Variants in SPATA16 observed in about 807,000 individuals in gnomAD.
SPATA16 encodes spermatogenesis associated 16.
In SPATA16, 36 loss-of-function variants were observed where a neutral mutation model predicts 63.3. The ratio of observed to expected loss-of-function variants is 0.57; its 90% CI spans 0.44 to 0.75. The LOEUF (loss-of-function observed/expected upper bound fraction) is 0.75. SPATA16 is among the 30% of genes least tolerant of loss of function. The probability of loss-of-function intolerance (pLI) is 0.00; values close to 1 mark genes in which losing one functional copy is unlikely to be tolerated. For missense variants in SPATA16, 646 were observed against 679.3 expected (o/e 0.95, Z 0.54); for synonymous variants, 203 against 216.7 (o/e 0.94, Z 0.56).
At chr3:173,013,237 A>T (rs375213353) in intron 4 of SPATA16, among the ~76,000 whole-genome samples, 4 of 152,220 alleles carry the variant, frequency 2.6e-5, no homozygotes, top group African/African-American at 9.6e-5. Flanking sequence ...CATCAGTTGG[A>T]AAGGTTGTTA....
At chr3:173,130,188 C>A (rs1738336352) in intron 1 of SPATA16, among the ~76,000 whole-genome samples, 1 of 151,642 alleles carries the variant, frequency 6.6e-6, no homozygotes, top group Non-Finnish European at 1.5e-5. Context: ...GGTGAAACCC[C>A]ATCTCTACTA....
intron 1 of SPATA16, among the ~76,000 whole-genome samples, chr3:173,123,580 A>G (rs1353626234): frequency 6.6e-6 from 1 of 151,768 alleles, no homozygotes; most frequent in Non-Finnish European, 1.5e-5. Context: ...TGTGAATCAA[A>G]TTTGTTAAGA....
intron 10 of SPATA16, among the ~76,000 whole-genome samples, chr3:172,898,089 T>C (rs1233239125): frequency 6.6e-6 from 1 of 152,078 alleles, no homozygotes; most frequent in Non-Finnish European, 1.5e-5. Flanking sequence ...TTCTTGCATC[T>C]ATGGGATAAA....
intron 10 of SPATA16, among the ~76,000 whole-genome samples, chr3:172,908,848 T>A (rs545049046): frequency 7.9e-5 from 12 of 152,132 alleles, no homozygotes; most frequent in South Asian, 2.1e-4. Context: ...TTTTTTTTTT[T>A]AATTATTTTT....
chr3:173,089,947 A>G (rs1371626514), intron 2 of SPATA16, among the ~76,000 whole-genome samples: 1 of 152,202 alleles, frequency 6.6e-6, no homozygotes, highest in African/African-American at 2.4e-5. Context: ...TTGTTTTTCA[A>G]CTGGATACTG....
chr3:172,939,932 C>T (rs549513785), intron 6 of SPATA16, among the ~76,000 whole-genome samples: 1 of 152,284 alleles, frequency 6.6e-6, no homozygotes, highest in South Asian at 2.1e-4. Context: ...ATGCTGGAGA[C>T]TGAGTTAATC....
In SPATA16 at chr3:172,993,139, G is replaced by A. The variant is rs114897183; in HGVS notation, c.849-16087C>T. Among the ~76,000 whole-genome samples the A allele has an allele frequency of 8.8e-3, 1,328 of 151,476 alleles. 18 individuals are homozygous for A. Among genetic ancestry groups the A allele is most frequent in the South Asian group, 0.07 (335 of 4,784 alleles). ...CTGAAGATTGATCCCAAAACTGAGT[G>A]AACAGAAAGGTTACATTATGCAGGT... is the stretch of plus-strand genomic sequence containing the variant. On this transcript the variant is annotated intron_variant, in intron 4 of 10. Coordinates refer to ENST00000351008, the MANE Select transcript of SPATA16 (RefSeq NM_031955.6).
chr3:173,022,551 A>T (rs1357863106), intron 3 of SPATA16, among the ~76,000 whole-genome samples: 1 of 152,160 alleles, frequency 6.6e-6, no homozygotes, highest in Non-Finnish European at 1.5e-5. Context: ...TAGCTTTTAT[A>T]CTTTTATTAA....
intron 3 of SPATA16, among the ~76,000 whole-genome samples, chr3:173,032,519 T>C (rs1735628883): frequency 6.6e-6 from 1 of 152,104 alleles, no homozygotes; most frequent in Non-Finnish European, 1.5e-5. Context: ...GGGATTCAAA[T>C]AATACATTTA....
At chr3:173,014,431 T>C (rs1735135368) in intron 4 of SPATA16, among the ~76,000 whole-genome samples, 2 of 152,146 alleles carry the variant, frequency 1.3e-5, no homozygotes, top group Non-Finnish European at 2.9e-5. Context: ...TGGGTACTGC[T>C]AAAGTGGGGA....
chr3:172,932,253 A>C (rs917402669), intron 6 of SPATA16, among the ~76,000 whole-genome samples: 8 of 152,174 alleles, frequency 5.3e-5, no homozygotes, highest in Admixed American at 2.0e-4. Context: ...AAAATCATAG[A>C]GATTTAAAAA....
chr3:172,893,934 G>A (rs1560059039), intron 10 of SPATA16, among the ~76,000 whole-genome samples: 1 of 152,182 alleles, frequency 6.6e-6, no homozygotes, highest in Admixed American at 6.5e-5. Flanking sequence ...AGGAATTGAG[G>A]GCTCAAATAA....
In SPATA16 at chr3:173,090,818, G is replaced by A. The variant is rs552549613; in HGVS notation, c.612+26302C>T. On this transcript the variant is annotated intron_variant, in intron 2 of 10. Coordinates refer to ENST00000351008, the MANE Select transcript of SPATA16 (RefSeq NM_031955.6). The stretch of plus-strand genomic sequence containing the variant: ...ACAAGGATATGGTAAAAGTAGAGAC[G>A]GTGCTTTACTTCAGTTTTTCTGAGC... Among the ~76,000 whole-genome samples, 89 of 152,298 alleles carry A rather than the reference G, an allele frequency of 5.8e-4. 2 individuals are homozygous for A. The South Asian group carries it at 8.7e-3, about 15-fold the overall frequency.
intron 6 of SPATA16, 123 bp from the exon 7 acceptor site, chr3:172,925,615 G>T: frequency 8.4e-7 from 1 of 1,186,776 alleles, no homozygotes; most frequent in Non-Finnish European, 1.2e-6. Flanking sequence ...TGAAAGGTAT[G>T]AAGTAATATT....
intron 1 of SPATA16, among the ~76,000 whole-genome samples, chr3:173,131,926 C>A (rs568099660): frequency 6.6e-6 from 1 of 151,802 alleles, no homozygotes; most frequent in Non-Finnish European, 1.5e-5. Context: ...AAGGGAAAAT[C>A]ATTAAGTATG....
At chr3:172,957,553 C>G (rs75392506) in intron 5 of SPATA16, among the ~76,000 whole-genome samples, 3 of 152,140 alleles carry the variant, frequency 2.0e-5, no homozygotes, top group African/African-American at 7.2e-5. Context: ...TACTCCTTTC[C>G]TACAACTTTT....
At chr3:172,946,774 C>G (rs1374715660) in intron 6 of SPATA16, among the ~76,000 whole-genome samples, 2 of 152,106 alleles carry the variant, frequency 1.3e-5, no homozygotes, top group African/African-American at 4.8e-5. Flanking sequence ...AACTCACCAC[C>G]CTGAAGGGAA....
At chr3:173,090,798 G>A (rs1179463252) in intron 2 of SPATA16, among the ~76,000 whole-genome samples, 2 of 152,172 alleles carry the variant, frequency 1.3e-5, no homozygotes, top group Non-Finnish European at 2.9e-5. Context: ...ATAACACAAG[G>A]ATATGGTAAA....
chr3:173,042,387 G>A (rs34221609), intron 3 of SPATA16, among the ~76,000 whole-genome samples: 20 of 151,992 alleles, frequency 1.3e-4, no homozygotes, highest in Non-Finnish European at 2.9e-4. Context: ...ACCACACCCA[G>A]CTAATTTTGT....
Sources: gnomAD v4.1 joint callset for allele counts (sites outside exome capture counted in the v4.1 genomes callset) on GRCh38, gnomAD v4.1.1 for gene constraint, MANE v1.5 for transcripts, NCBI Gene and HGNC (gene_info 2026-07-23, HGNC 2026-07-21) for gene names.